The following KCNQ1 variants were observed in gnomAD, a reference collection of about 807,000 sequenced individuals.
KCNQ1 encodes the protein potassium voltage-gated channel subfamily KQT member 1.
Under a neutral mutation model 72.4 loss-of-function variants are expected in KCNQ1, and 49 were observed. That is an observed-to-expected ratio of 0.68 (90% CI 0.54 to 0.86). The LOEUF (loss-of-function observed/expected upper bound fraction) is 0.86. KCNQ1 is among the 40% of genes least tolerant of loss of function. The pLI, the probability that KCNQ1 is intolerant of heterozygous loss-of-function variation, is 0.00. For missense variants in KCNQ1, 790 were observed against 945.1 expected (o/e 0.84, Z 2.15); for synonymous variants, 450 against 412.6 (o/e 1.09, Z -1.10).
chr11:2,821,760 A>G (rs1847742379), intron 15 of KCNQ1, among the ~76,000 whole-genome samples: 1 of 151,922 alleles, frequency 6.6e-6, no homozygotes, highest in African/African-American at 2.4e-5. Context: ...TACTGGTCCT[A>G]TAGGGGTTCC....
At chr11:2,615,325 G>A in intron 10 of KCNQ1, 1 of 397,994 alleles carries the variant, frequency 2.5e-6, no homozygotes, top group Non-Finnish European at 4.4e-6. Flanking sequence ...CTAGATAGAA[G>A]ATGTCATTAT....
rs1007231019 is a variant in KCNQ1, at chr11:2,785,945, G to A, written c.1794+7908G>A. ...TCTCCCCCTGACTTAGTACTTTGCTGTTGTATATTTTAGTTGAACTGTGTT... is the reference window on the plus strand; with the variant it reads ...TCTCCCCCTGACTTAGTACTTTGCTATTGTATATTTTAGTTGAACTGTGTT... On this transcript the variant is annotated intron_variant, in intron 15 of 15. Transcript: ENST00000155840. The surrounding 1 kb of genome is among the most constrained non-coding windows in gnomAD (Gnocchi z 4.4). Among the ~76,000 whole-genome samples, 8 of 152,036 alleles carry A rather than the reference G, an allele frequency of 5.3e-5. No individual in the cohort carries two copies. Among genetic ancestry groups the A allele is most frequent in the African/African-American group, 1.9e-4 (8 of 41,418 alleles).
intron 10 of KCNQ1, chr11:2,631,795 C>T (rs1849356926): frequency 7.5e-6 from 3 of 398,476 alleles, no homozygotes; most frequent in African/African-American, 2.1e-5. Context: ...TTACAAAGGT[C>T]CTTGGTGGCC....
chr11:2,460,969 G>T (rs1344800454), intron 1 of KCNQ1, among the ~76,000 whole-genome samples: 1 of 152,178 alleles, frequency 6.6e-6, no homozygotes, highest in Non-Finnish European at 1.5e-5. Context: ...GTCCTGGGTG[G>T]TACTGCTGCA....
intron 11 of KCNQ1, among the ~76,000 whole-genome samples, chr11:2,733,857 C>CTCTCTCTCTCTCTCACTCTTTCTCTCT (rs147278439): frequency 1.3e-5 from 1 of 76,322 alleles, no homozygotes; most frequent in African/African-American, 6.1e-5. Context: ...CTCTCTCTCT[C>CTCTCTCTCTCTCTCACTCTTTCTCTCT]CCCCCCCACT....
chr11:2,532,666 G>A (rs1037803914), intron 2 of KCNQ1, among the ~76,000 whole-genome samples: 2 of 152,320 alleles, frequency 1.3e-5, no homozygotes. Flanking sequence ...ACAGTGAGAA[G>A]GAGGTAAGCT....
chr11:2,645,053 A>G lies in KCNQ1; in HGVS notation c.1394-16908A>G, dbSNP rs977018995. 3.3e-5 allele frequency: 13 copies of G among 398,690 alleles called. No homozygotes were observed. Among genetic ancestry groups the G allele is most frequent in the South Asian group, 2.5e-4 (2 of 7,864 alleles). 24.7% of individuals were successfully genotyped at this position (398,690 alleles called of 1,614,324 possible). A position where few individuals can be genotyped will look rare whatever the true frequency, so the allele number is the denominator to read the frequency against. On this transcript the variant is annotated intron_variant, in intron 10 of 15. Coordinates refer to ENST00000155840, the MANE Select transcript of KCNQ1 (RefSeq NM_000218.3). The surrounding 1 kb of genome is among the most constrained non-coding windows in gnomAD (Gnocchi z 5.8). ...CTCCAGGCAACTTGCTCAGGTGCCA[A>G]TGATGACAGAGCTGGGCCACAGGGT...
Position 2,808,515 on chromosome 11 carries a change from A to G in KCNQ1, c.1794+30478A>G, listed in dbSNP as rs1256697272. On this transcript the variant is annotated intron_variant, in intron 15 of 15. Coordinates refer to ENST00000155840, the MANE Select transcript of KCNQ1 (RefSeq NM_000218.3). The surrounding 1 kb of genome is among the most constrained non-coding windows in gnomAD (Gnocchi z 6.0). ...TGATGCAGAACTGAGCAGAGAAGAA[A>G]ACAAAAGAGGACCATAATATCTCCA... Among the ~76,000 whole-genome samples the G allele has an allele frequency of 6.6e-6, 1 of 152,058 alleles. No homozygotes were observed. The highest frequency in any genetic ancestry group is 1.5e-5 in the Non-Finnish European group (1 of 68,034).
intron 10 of KCNQ1, chr11:2,628,819 AT>A (rs772810133): frequency 2.5e-6 from 1 of 398,122 alleles, no homozygotes. Flanking sequence ...TTCCAATTTA[AT>A]TTTTTTGCAT....
chr11:2,587,764 C>G (rs547729045), intron 9 of KCNQ1, 72 bp downstream of exon 9: 2 of 1,602,730 alleles, frequency 1.2e-6, no homozygotes, highest in Admixed American at 3.3e-5. Flanking sequence ...GGCCGCAGCA[C>G]GAGGCTGGGA....
chr11:2,591,155 T>A (rs914973551), intron 10 of KCNQ1, among the ~76,000 whole-genome samples: 1 of 152,244 alleles, frequency 6.6e-6, no homozygotes, highest in African/African-American at 2.4e-5. Flanking sequence ...AAACCCACAG[T>A]GTTCGCAACC....
chr11:2,552,109 AG>A (rs749793861), intron 2 of KCNQ1, among the ~76,000 whole-genome samples: 18 of 150,992 alleles, frequency 1.2e-4, no homozygotes, highest in Non-Finnish European at 1.5e-4. Context: ...TCAATTCATC[AG>A]GGTTCTTCTT....
At chr11:2,560,829 A>G (rs1848153553) in intron 2 of KCNQ1, among the ~76,000 whole-genome samples, 4 of 152,054 alleles carry the variant, frequency 2.6e-5, no homozygotes, top group Admixed American at 6.6e-5. Context: ...GGATGAGGAC[A>G]GACGTGGAGG....
At chr11:2,802,401 G>A (rs993010050) in intron 15 of KCNQ1, among the ~76,000 whole-genome samples, 10 of 152,164 alleles carry the variant, frequency 6.6e-5, no homozygotes, top group Non-Finnish European at 1.0e-4. Flanking sequence ...GAGGCAGCGG[G>A]GAGCCTGCCC....
In KCNQ1 at chr11:2,612,773, A is replaced by G. The variant is rs993651435; in HGVS notation, c.1393+23919A>G. 1.3e-5 allele frequency: 5 copies of G among 398,424 alleles called. No homozygotes were observed. The highest frequency in any genetic ancestry group is 4.4e-6 in the Non-Finnish European group (1 of 226,054). 24.7% of individuals were successfully genotyped at this position (398,424 alleles called of 1,614,324 possible). ...ATTTATTGCTCATTATTCTTGTTCAAGGGTCACAATTTTCTGTTTCTTTGC... is the reference window on the plus strand; with the variant it reads ...ATTTATTGCTCATTATTCTTGTTCAGGGGTCACAATTTTCTGTTTCTTTGC... On this transcript the variant is annotated intron_variant, in intron 10 of 15. Coordinates refer to ENST00000155840, the MANE Select transcript of KCNQ1 (RefSeq NM_000218.3). This position sits in a 1 kb window ranked among gnomAD's most constrained non-coding sequence, Gnocchi z 5.5.
rs1207294777 is a variant in KCNQ1 at position 2,620,602 on chromosome 11, T to A, written c.1393+31748T>A. On this transcript the variant is annotated intron_variant, in intron 10 of 15. Coordinates refer to ENST00000155840, the MANE Select transcript of KCNQ1 (RefSeq NM_000218.3). The surrounding 1 kb of genome is among the most constrained non-coding windows in gnomAD (Gnocchi z 4.5). ...ATCCAATCCACCACTGATGGGCATC[T>A]AAGTGGATTCCATGTCTTTGCTGTT... 1 of 397,588 alleles carries A rather than the reference T, an allele frequency of 2.5e-6. No homozygotes were observed. Among genetic ancestry groups the A allele is most frequent in the East Asian group, 3.6e-5 (1 of 28,066 alleles). 24.6% of individuals were successfully genotyped at this position (397,588 alleles called of 1,614,324 possible).
At position 2,651,047 on chromosome 11, in the gene KCNQ1, C is replaced by G. The variant is rs183092035; in HGVS notation, c.1394-10914C>G. 1.1e-3 allele frequency: 429 copies of G among 398,862 alleles called. 2 individuals carry two copies. Among genetic ancestry groups the G allele is most frequent in the Non-Finnish European group, 1.6e-3 (372 of 226,218 alleles). The allele number at this position is 398,862 out of a possible 1,614,324, so 24.7% of individuals were successfully genotyped here. A position where few individuals can be genotyped will look rare whatever the true frequency, so the allele number is the denominator to read the frequency against. ...TCCCTGGTTAAAACCACCACCATTT[C>G]TCTGCCTACATTGTTGTCCATACCT... On this transcript the variant is annotated intron_variant, in intron 10 of 15. Transcript: ENST00000155840. The surrounding 1 kb of genome is among the most constrained non-coding windows in gnomAD (Gnocchi z 6.1).
At chr11:2,461,543 T>C in intron 1 of KCNQ1, 1 of 1,348,936 alleles carries the variant, frequency 7.4e-7, no homozygotes, top group Non-Finnish European at 9.8e-7. Context: ...AGGATGGCAC[T>C]GGTGCCGGGC....
At chr11:2,558,640 A>G (rs955187305) in intron 2 of KCNQ1, among the ~76,000 whole-genome samples, 2 of 152,064 alleles carry the variant, frequency 1.3e-5, no homozygotes, top group Non-Finnish European at 2.9e-5. Context: ...GGGAACCCCC[A>G]CCCCGCCGGC....
Sources: gnomAD v4.1 joint callset for allele counts (sites outside exome capture counted in the v4.1 genomes callset) on GRCh38, gnomAD v4.1.1 for gene constraint, Gnocchi (gnomAD v3.1) non-coding constraint, MANE v1.5 for transcripts, NCBI Gene and HGNC (gene_info 2026-07-23, HGNC 2026-07-21) for gene names.